Variants in SIAH2 observed in about 807,000 individuals in gnomAD.
SIAH2 encodes E3 ubiquitin-protein ligase SIAH2.
Under a neutral mutation model 20.4 loss-of-function variants are expected in SIAH2, and 4 were observed. That is an observed-to-expected ratio of 0.20 (90% CI 0.10 to 0.45). SIAH2 has a LOEUF of 0.45. SIAH2 is among the 20% of genes least tolerant of loss of function. SIAH2 has a pLI of 0.99. For missense variants in SIAH2, 259 were observed against 440.3 expected, an observed-to-expected ratio of 0.59 and a Z score of 3.69; for synonymous variants, 171 against 192.5, an observed-to-expected ratio of 0.89 and a Z score of 0.93.
intron 1 of SIAH2, among the ~76,000 whole-genome samples, chr3:150,749,515 C>T (rs1043772000): frequency 1.3e-5 from 2 of 152,140 alleles, no homozygotes; most frequent in East Asian, 1.9e-4. Flanking sequence ...CTCAAAAATA[C>T]ATACATAAAA....
In SIAH2 at chr3:150,752,608, C is replaced by T. The variant is rs566873941; in HGVS notation, c.417+9825G>A. Among the ~76,000 whole-genome samples the T allele has an allele frequency of 2.6e-5, 4 of 151,544 alleles. No individual in the cohort carries two copies. In the South Asian group the frequency reaches 8.3e-4, roughly 32 times the overall value. ...TGGGCGACAGAGCGAGACTCCATCT[C>T]AGTATTAAAAAAAAAAAATTATCAA... On this transcript the variant is annotated intron_variant, in intron 1 of 1. Coordinates refer to ENST00000312960, the MANE Select transcript of SIAH2 (RefSeq NM_005067.7).
chr3:150,743,945 A>G (rs1351642518), intron 1 of SIAH2, among the ~76,000 whole-genome samples: 1 of 151,818 alleles, frequency 6.6e-6, no homozygotes, highest in Non-Finnish European at 1.5e-5. Context: ...CCCCTGCTCC[A>G]CTGAGACATG....
Position 150,762,369 on chromosome 3 carries a change from G to C in SIAH2, c.417+64C>G. 1 of 1,547,516 alleles carries C rather than the reference G, an allele frequency of 6.5e-7. No homozygotes were observed. The highest frequency in any genetic ancestry group is 1.2e-5 in the South Asian group (1 of 84,640). On this transcript the variant is annotated intron_variant, in intron 1 of 1. Transcript: ENST00000312960. This position sits in a 1 kb window ranked among gnomAD's most constrained non-coding sequence, Gnocchi z 6.6. ...GCCCGCCTCTCCGGGCCTGCGAGTG[G>C]GCTGGCGGATACCGGAGTCCCTGAG...
rs915627001 is a variant in SIAH2 at position 150,760,578 on chromosome 3, C to A, written c.417+1855G>T. ...CTCCATATAGCATAACTGTTTCCTT[C>A]CCTTTCTCTTGGGAACAACACAATT... On this transcript the variant is annotated intron_variant, in intron 1 of 1. Coordinates refer to ENST00000312960, the MANE Select transcript of SIAH2 (RefSeq NM_005067.7). Among the ~76,000 whole-genome samples the A allele has an allele frequency of 1.4e-4, 21 of 152,228 alleles. 1 individual carries two copies. The highest frequency in any genetic ancestry group is 4.8e-4 in the African/African-American group (20 of 41,468).
Position 150,762,830 on chromosome 3 carries a change from G to A in SIAH2, c.20C>T (p.Thr7Ile). Residue 7 changes from threonine to isoleucine, a missense_variant, in exon 1 of 2, where the codon ACC becomes ATC. Physicochemically the swap from Thr to Ile is moderately conservative, Grantham distance 89. This residue lies in a region of SIAH2 where 99 missense variants were observed against 112.7 expected (regional missense o/e 0.88). Coordinates refer to ENST00000312960, the MANE Select transcript of SIAH2 (RefSeq NM_005067.7). The surrounding 1 kb of genome is among the most constrained non-coding windows in gnomAD (Gnocchi z 6.6). MSRPSS[T>I]GPSANKPCSK... is the part of the protein sequence containing the mutation. ...GCAGGGTTTATTAGCGCTGGGGCCG[G>A]TGGAGGACGGGCGGCTCATCGCGCT... The A allele has an allele frequency of 8.2e-7, 1 of 1,217,656 alleles. No individual in the cohort carries two copies. Among genetic ancestry groups the A allele is most frequent in the Non-Finnish European group, 1.0e-6 (1 of 964,586 alleles). The allele number at this position is 1,217,656 out of a possible 1,614,324, so 75.4% of individuals were successfully genotyped here.
intron 1 of SIAH2, among the ~76,000 whole-genome samples, chr3:150,746,609 G>A (rs1023205687): frequency 2.0e-5 from 3 of 152,176 alleles, no homozygotes; most frequent in Non-Finnish European, 4.4e-5. Context: ...ACCACCCCCT[G>A]CCCCTCAGTT....
intron 1 of SIAH2, among the ~76,000 whole-genome samples, chr3:150,745,629 G>A (rs2108117587): frequency 6.6e-6 from 1 of 152,110 alleles, no homozygotes; most frequent in East Asian, 1.9e-4. Context: ...CCAAGTAGCT[G>A]GGACTACAGG....
chr3:150,754,437 C>G (rs960314799), intron 1 of SIAH2, among the ~76,000 whole-genome samples: 1 of 152,162 alleles, frequency 6.6e-6, no homozygotes, highest in Admixed American at 6.5e-5. Context: ...TAGTGCTAAG[C>G]CATTCATGAG....
chr3:150,752,689 C>T (rs538851731), intron 1 of SIAH2, among the ~76,000 whole-genome samples: 1 of 152,124 alleles, frequency 6.6e-6, no homozygotes, highest in Admixed American at 6.5e-5. Context: ...TTATTCTTCT[C>T]CGGCCCCGCA....
rs1714638981 is a variant in SIAH2 at position 150,762,391 on chromosome 3, TGAG to T, written c.417+39_417+41del. ...GTGGGCTGGCGGATACCGGAGTCCC[TGAG>T]GTCACCGGCGGAGGTACGTGGGCTG... On this transcript the variant is annotated intron_variant, in intron 1 of 1. Coordinates refer to ENST00000312960, the MANE Select transcript of SIAH2 (RefSeq NM_005067.7). The surrounding 1 kb of genome is among the most constrained non-coding windows in gnomAD (Gnocchi z 6.6). 11 of 1,582,768 alleles carry T rather than the reference TGAG, an allele frequency of 6.9e-6. No individual in the cohort carries two copies. Among genetic ancestry groups the T allele is most frequent in the African/African-American group, 2.7e-5 (2 of 73,646 alleles).
At position 150,742,564 on chromosome 3, in the gene SIAH2, C is replaced by A. The variant is rs960477750; in HGVS notation, c.552G>T (p.Val184=). ...TGTGGGCGTGCATGAGATGGGACAT[C>A]ACAGCTTCCAGGGACCCCTGCCACT... ...SCKWQGSLEA[V]MSHLMHAHKS... is the part of the protein sequence containing the mutation. The change falls in exon 2 of 2, where the codon GTG becomes GTT. Residue 184 remains valine, a synonymous_variant. Coordinates refer to ENST00000312960, the MANE Select transcript of SIAH2 (RefSeq NM_005067.7). This position sits in a 1 kb window ranked among gnomAD's most constrained non-coding sequence, Gnocchi z 4.8. 1 of 1,613,910 alleles carries A rather than the reference C, an allele frequency of 6.2e-7. No homozygotes were observed. Among genetic ancestry groups the A allele is most frequent in the African/African-American group, 1.3e-5 (1 of 75,046 alleles).
intron 1 of SIAH2, among the ~76,000 whole-genome samples, chr3:150,749,416 G>T (rs1714308100): frequency 6.6e-6 from 1 of 152,090 alleles, no homozygotes; most frequent in African/African-American, 2.4e-5. Flanking sequence ...AAGGTGAGAG[G>T]ATTGCTTGAG....
chr3:150,758,215 G>T (rs1374267558), intron 1 of SIAH2, among the ~76,000 whole-genome samples: 3 of 152,050 alleles, frequency 2.0e-5, no homozygotes, highest in Non-Finnish European at 4.4e-5. Context: ...GAGAAGACTT[G>T]TCCAGCTGAG....
At chr3:150,760,900 T>C (rs1284928673) in intron 1 of SIAH2, among the ~76,000 whole-genome samples, 1 of 152,196 alleles carries the variant, frequency 6.6e-6, no homozygotes, top group Non-Finnish European at 1.5e-5. Context: ...TTATCTAAAT[T>C]TTGAGAAACT....
rs544434682 is a variant in SIAH2 at position 150,754,455 on chromosome 3, C to A, written c.417+7978G>T. Among the ~76,000 whole-genome samples, 7 of 152,300 alleles carry A rather than the reference C, an allele frequency of 4.6e-5. No individual in the cohort carries two copies. The South Asian group carries it at 1.5e-3, about 32-fold the overall frequency. Reference sequence around the variant, plus strand: ...TGCTAAGCCATTCATGAGAAATCCACCCCCAAGATCCAACCACCTGCCCCA... The same window carrying A: ...TGCTAAGCCATTCATGAGAAATCCAACCCCAAGATCCAACCACCTGCCCCA... On this transcript the variant is annotated intron_variant, in intron 1 of 1. Coordinates refer to ENST00000312960, the MANE Select transcript of SIAH2 (RefSeq NM_005067.7).
rs1714660454 is a variant in SIAH2, at chr3:150,762,946, C to A, written c.-97G>T. ...GCCCCGCGGGCAGCGAGCTCCGAGG[C>A]AACGCCACGGCGCCCAGCCCAGGTC... On this transcript the variant is annotated 5_prime_UTR_variant, in exon 1 of 2. Transcript: ENST00000312960. The surrounding 1 kb of genome is among the most constrained non-coding windows in gnomAD (Gnocchi z 6.6). 2 of 1,103,250 alleles carry A rather than the reference C, an allele frequency of 1.8e-6. No homozygotes were observed. The highest frequency in any genetic ancestry group is 1.7e-5 in the African/African-American group (1 of 59,458). 68.3% of individuals were successfully genotyped at this position (1,103,250 alleles called of 1,614,324 possible). A position where few individuals can be genotyped will look rare whatever the true frequency, so the allele number is the denominator to read the frequency against.
At chr3:150,753,420 T>C (rs554515883) in intron 1 of SIAH2, among the ~76,000 whole-genome samples, 2 of 152,178 alleles carry the variant, frequency 1.3e-5, no homozygotes, top group Non-Finnish European at 2.9e-5. Flanking sequence ...TAACACCCAA[T>C]GTCGGTGCTG....
intron 1 of SIAH2, among the ~76,000 whole-genome samples, chr3:150,758,964 CA>C (rs1481080167): frequency 6.6e-6 from 1 of 152,044 alleles, no homozygotes; most frequent in African/African-American, 2.4e-5. Context: ...AGGCTGGTCT[CA>C]AACTCCTGAC....
intron 1 of SIAH2, among the ~76,000 whole-genome samples, chr3:150,744,801 T>G (rs1714173267): frequency 6.6e-6 from 1 of 152,090 alleles, no homozygotes; most frequent in Admixed American, 6.6e-5. Flanking sequence ...CTGCCCAAAG[T>G]CCCAAACCAC....
Sources: allele counts gnomAD v4.1 joint callset (sites outside exome capture counted in the v4.1 genomes callset), GRCh38; gene constraint gnomAD v4.1.1; regional missense constraint gnomAD v4.1.1; non-coding constraint Gnocchi (gnomAD v3.1); transcripts MANE v1.5; gene names NCBI Gene and HGNC (gene_info 2026-07-23, HGNC 2026-07-21).